Variants in STAU1 observed in about 807,000 individuals in gnomAD.
The protein encoded by STAU1 is staufen double-stranded RNA binding protein 1.
Under a neutral mutation model 62.9 loss-of-function variants are expected in STAU1, and 13 were observed. That is an observed-to-expected ratio of 0.21 (90% CI 0.13 to 0.33). The LOEUF (loss-of-function observed/expected upper bound fraction) is 0.33. Ranked by LOEUF, STAU1 falls within the 10% of genes least tolerant of loss-of-function variation. STAU1 has a pLI of 1.00. For missense variants in STAU1, 571 were observed against 712.1 expected, an observed-to-expected ratio of 0.80 and a Z score of 2.25; for synonymous variants, 269 against 265.1, an observed-to-expected ratio of 1.01 and a Z score of -0.14.
In STAU1 at chr20:49,117,897, G is replaced by T. The variant is rs775614546; in HGVS notation, c.1389C>A (p.Gly463=). 1.2e-6 allele frequency: 2 copies of T among 1,614,152 alleles called. No homozygotes were observed. Among genetic ancestry groups the T allele is most frequent in the South Asian group, 2.2e-5 (2 of 91,074 alleles). The change falls in exon 11 of 14, where the codon GGC becomes GGA. Residue 463 remains glycine, a synonymous_variant. Transcript: ENST00000371856. The surrounding 1 kb of genome is among the most constrained non-coding windows in gnomAD (Gnocchi z 4.6). ...AMIARELLYG[G]TSPTAETILK... is the part of the protein sequence containing the mutation. ...AAATGGTCTCGGCTGTGGGCGAGGT[G>T]CCCCCATACAACAACTCTCGGGCTA...
At chr20:49,179,627 C>T (rs1047230662) in intron 1 of STAU1, among the ~76,000 whole-genome samples, 1 of 152,184 alleles carries the variant, frequency 6.6e-6, no homozygotes, top group Non-Finnish European at 1.5e-5. Flanking sequence ...CATAAAATCA[C>T]AATGGCTTCA....
intron 1 of STAU1, among the ~76,000 whole-genome samples, chr20:49,179,574 A>G (rs1428437383): frequency 1.3e-5 from 2 of 152,240 alleles, no homozygotes; most frequent in African/African-American, 4.8e-5. Context: ...TATTACATAT[A>G]AATTGTTCTT....
intron 5 of STAU1, among the ~76,000 whole-genome samples, chr20:49,147,704 C>T (rs559651413): frequency 6.6e-6 from 1 of 152,336 alleles, no homozygotes; most frequent in South Asian, 2.1e-4. Flanking sequence ...CCTAAATAAT[C>T]AAGTCCCTGT....
At chr20:49,123,012 G>A (rs958187368) in intron 8 of STAU1, 80 bp downstream of exon 8, 1 of 1,467,082 alleles carries the variant, frequency 6.8e-7, no homozygotes, top group Non-Finnish European at 9.0e-7. Context: ...TCAGGAAGGT[G>A]TCCAGACCTT....
intron 6 of STAU1, among the ~76,000 whole-genome samples, chr20:49,130,623 T>C (rs1568843466): frequency 6.6e-6 from 1 of 152,108 alleles, no homozygotes; most frequent in Non-Finnish European, 1.5e-5. Context: ...TATACCGATA[T>C]AATTACTATA....
At chr20:49,141,537 C>T (rs2093007483) in intron 5 of STAU1, among the ~76,000 whole-genome samples, 1 of 152,214 alleles carries the variant, frequency 6.6e-6, no homozygotes, top group Admixed American at 6.5e-5. Flanking sequence ...TTTAAGGCTG[C>T]AGTGAGCTAT....
chr20:49,117,947 C>A lies in STAU1; in HGVS notation c.1339G>T (p.Ala447Ser). 6.2e-7 allele frequency: 1 copy of A among 1,614,172 alleles called. No homozygotes were observed. Among genetic ancestry groups the A allele is most frequent in the South Asian group, 1.1e-5 (1 of 91,078 alleles). ...KDFTRAAPNP[A>S]KATVTAMIAR... ...ATCATGGCAGTTACCGTGGCCTTGGCAGGATTCGGAGCTGCCCTGGTAAAA... is the reference window on the plus strand; with the variant it reads ...ATCATGGCAGTTACCGTGGCCTTGGAAGGATTCGGAGCTGCCCTGGTAAAA... The change falls in exon 11 of 14, where the codon GCC becomes TCC. Residue 447 changes from alanine to serine, a missense_variant. Transcript: ENST00000371856. This position sits in a 1 kb window ranked among gnomAD's most constrained non-coding sequence, Gnocchi z 4.6.
Position 49,166,008 on chromosome 20 carries a change from CT to C in STAU1, c.193del (p.Ser65ValfsTer7). On this transcript the variant is annotated frameshift_variant, in exon 3 of 14. Transcript: ENST00000371856. LOFTEE classifies it high-confidence loss of function. ...ALPSASITST[S>X]AAAESITPTV... ...ATTCATATGCTTACCTGCAGCTGCACTGGTGGATGTAATAGATGCAGAGGGT... is the reference window on the plus strand; with the variant it reads ...ATTCATATGCTTACCTGCAGCTGCACGGTGGATGTAATAGATGCAGAGGGT... 6.2e-7 allele frequency: 1 copy of C among 1,614,104 alleles called. No homozygotes were observed. The highest frequency in any genetic ancestry group is 2.2e-5 in the East Asian group (1 of 44,884).
chr20:49,216,033 A>AAAGAAGAAGAAGAAGAAGAAAAAAG, the STAU1 span, among the ~76,000 whole-genome samples: 1 of 104,536 alleles, frequency 9.6e-6, no homozygotes, highest in African/African-American at 4.5e-5. Context: ...AAAAAAAAAA[A>AAAGAAGAAGAAGAAGAAGAAAAAAG]AAGAAGAAGA....
At chr20:49,147,649 C>T (rs574653917) in intron 5 of STAU1, among the ~76,000 whole-genome samples, 4 of 152,268 alleles carry the variant, frequency 2.6e-5, no homozygotes, top group South Asian at 4.2e-4. Flanking sequence ...TTAACTGCAA[C>T]GATGTTCTTC....
intron 1 of STAU1, among the ~76,000 whole-genome samples, chr20:49,186,953 A>G (rs1416658124): frequency 6.6e-6 from 1 of 152,142 alleles, no homozygotes; most frequent in South Asian, 2.1e-4. Context: ...CTTCCACACA[A>G]GCAATACTGC....
the STAU1 span, among the ~76,000 whole-genome samples, chr20:49,206,719 TTATATATATATATATA>T: frequency 1.1e-3 from 112 of 106,038 alleles, no homozygotes; most frequent in Middle Eastern, 0.013. Flanking sequence ...AAATGAAATT[TTATATATATATATATA>T]TATATATATA....
At position 49,117,127 on chromosome 20, in the gene STAU1, A is replaced by T; in HGVS notation, c.1631T>A (p.Met544Lys). 4 of 1,614,168 alleles carry T rather than the reference A, an allele frequency of 2.5e-6. No homozygotes were observed. In the South Asian group the frequency reaches 4.4e-5, roughly 18 times the overall value. The part of the protein sequence containing the change: ...IGKDVESCHD[M>K]AALNILKLLS... ...TCCCTCACCCAAGGTGTGACGTACC[A>T]TATCATGGCAGGACTCCACATCCTT... Residue 544 changes from methionine to lysine, a missense_variant and splice_region_variant, in exon 12 of 14, where the codon ATG becomes AAG. Met to Lys is a moderately conservative substitution (Grantham distance 95, BLOSUM62 -1). Around this residue, in one of 3 missense-constraint regions of STAU1, gnomAD observed 156 missense variants for 194.7 expected, o/e 0.80. Transcript: ENST00000371856. This position sits in a 1 kb window ranked among gnomAD's most constrained non-coding sequence, Gnocchi z 4.6.
rs981203655 is a variant in STAU1, at chr20:49,114,971, T to C, written c.1719-78A>G. On this transcript the variant is annotated intron_variant, in intron 13 of 13. Coordinates refer to ENST00000371856, the MANE Select transcript of STAU1 (RefSeq NM_017453.4). ...AAGTACTGTTAAAAATGAAAAGAAA[T>C]TGGCAAACATCAGGAAGTACAATAC... The C allele has an allele frequency of 3.2e-5, 47 of 1,473,108 alleles. No homozygotes were observed. In the South Asian group the frequency reaches 3.4e-4, roughly 11 times the overall value. The allele number at this position is 1,473,108 out of a possible 1,614,324, so 91.3% of individuals were successfully genotyped here.
the STAU1 span, among the ~76,000 whole-genome samples, chr20:49,212,615 A>ATTTTTTTTTTTTTTTTTTTTTTTTTT: frequency 6.1e-4 from 52 of 85,168 alleles, 6 homozygotes; most frequent in African/African-American, 2.3e-3. Flanking sequence ...AGCTATTGGA[A>ATTTTTTTTTTTTTTTTTTTTTTTTTT]TTTTTTTTTT....
At chr20:49,190,183 G>C (rs1231679046), upstream of STAU1, among the ~76,000 whole-genome samples, 1 of 152,226 alleles carries the variant, frequency 6.6e-6, no homozygotes, top group East Asian at 1.9e-4. Flanking sequence ...CGCACAATCA[G>C]ACAATCTCGT....
chr20:49,152,144 T>C (rs941673786), intron 4 of STAU1, among the ~76,000 whole-genome samples: 1 of 152,164 alleles, frequency 6.6e-6, no homozygotes, highest in Non-Finnish European at 1.5e-5. Flanking sequence ...AATGCACAAG[T>C]CTTTCAAAAG....
chr20:49,120,840 G>C (rs1271700283), intron 8 of STAU1, among the ~76,000 whole-genome samples: 2 of 152,000 alleles, frequency 1.3e-5, no homozygotes, highest in African/African-American at 4.8e-5. Context: ...CTTCACCCAG[G>C]ATGGAGTGCA....
At chr20:49,209,094 C>A in the STAU1 span, among the ~76,000 whole-genome samples, 2 of 151,770 alleles carry the variant, frequency 1.3e-5, no homozygotes, top group East Asian at 3.9e-4. Flanking sequence ...TACCGCCACG[C>A]CCAGCTAATT....
Sources: allele counts gnomAD v4.1 joint callset (sites outside exome capture counted in the v4.1 genomes callset), GRCh38; gene constraint gnomAD v4.1.1; regional missense constraint gnomAD v4.1.1; non-coding constraint Gnocchi (gnomAD v3.1); transcripts MANE v1.5; gene names NCBI Gene and HGNC (gene_info 2026-07-23, HGNC 2026-07-21).